The following CRYL1 variants were observed in gnomAD, a reference collection of about 807,000 sequenced individuals.
CRYL1 encodes lambda-crystallin homolog.
In CRYL1, 29 loss-of-function variants were observed where a neutral mutation model predicts 36.6. That is an observed-to-expected ratio of 0.79 (90% CI 0.59 to 1.08). The LOEUF is 1.08. Ranked by LOEUF, CRYL1 falls within the 50% of genes least tolerant of loss-of-function variation. The pLI is 0.00. For synonymous variants in CRYL1, 152 were observed against 151.5 expected (o/e 1.00, Z -0.02); for missense variants, 411 against 407.9 (o/e 1.01, Z -0.06).
At chr13:20,519,351 T>C (rs1462547813) in intron 1 of CRYL1, among the ~76,000 whole-genome samples, 2 of 152,096 alleles carry the variant, frequency 1.3e-5, no homozygotes, top group African/African-American at 2.4e-5. Flanking sequence ...GTGGGGACCA[T>C]GACAAGAGCA....
Position 20,439,513 on chromosome 13 carries a change from G to A in CRYL1, c.438+80C>T, listed in dbSNP as rs200588395. The A allele has an allele frequency of 3.7e-5, 27 of 723,734 alleles. No homozygotes were observed. In the African/African-American group the frequency reaches 4.6e-4, roughly 12 times the overall value. 44.8% of individuals were successfully genotyped at this position (723,734 alleles called of 1,614,324 possible). On this transcript the variant is annotated intron_variant, in intron 4 of 7. Transcript: ENST00000298248. ...CACAAGTTATTGACCCCCCTCCCCC[G>A]CAAAAAAAAAAAAAAAAGAAAAAAA... is the stretch of plus-strand genomic sequence containing the variant.
In CRYL1 at chr13:20,477,265, C is replaced by T. The variant is rs182714577; in HGVS notation, c.276+12105G>A. 1.3e-3 allele frequency among the ~76,000 whole-genome samples: 197 copies of T among 152,190 alleles called. 1 individual carries two copies. Among genetic ancestry groups the T allele is most frequent in the African/African-American group, 4.0e-3 (165 of 41,522 alleles). ...ATCGCTTGAGCCCAGGAGTTCAAGA[C>T]GTCAGTGAGCTATGATCACACAGCT... On this transcript the variant is annotated intron_variant, in intron 3 of 7. Transcript: ENST00000298248.
At chr13:20,473,108 G>C (rs1163969812) in intron 3 of CRYL1, 1 of 152,238 alleles carries the variant, frequency 6.6e-6, no homozygotes, top group South Asian at 2.1e-4. Flanking sequence ...GTTAAAGAAG[G>C]TGAGGTAAAA....
intron 2 of CRYL1, among the ~76,000 whole-genome samples, chr13:20,505,390 A>G (rs949158934): frequency 6.6e-6 from 1 of 151,266 alleles, no homozygotes; most frequent in Non-Finnish European, 1.5e-5. Flanking sequence ...AAATCAGAAT[A>G]TGGGAAGTGG....
At chr13:20,482,404 A>G (rs2033296013) in intron 3 of CRYL1, among the ~76,000 whole-genome samples, 1 of 150,364 alleles carries the variant, frequency 6.7e-6, no homozygotes, top group South Asian at 2.1e-4. Context: ...AGGCCTCGAC[A>G]TAGTGGCTAA....
At chr13:20,412,774 C>A (rs1467548859) in intron 6 of CRYL1, among the ~76,000 whole-genome samples, 1 of 152,146 alleles carries the variant, frequency 6.6e-6, no homozygotes. Flanking sequence ...GTCTGGTCTG[C>A]CCCACCCATA....
intron 3 of CRYL1, among the ~76,000 whole-genome samples, chr13:20,459,504 G>C (rs1216968708): frequency 6.6e-6 from 1 of 152,092 alleles, no homozygotes; most frequent in African/African-American, 2.4e-5. Context: ...ATACACCATG[G>C]AATACTATGC....
chr13:20,504,912 A>C (rs2033766052), intron 2 of CRYL1, among the ~76,000 whole-genome samples: 1 of 152,142 alleles, frequency 6.6e-6, no homozygotes, highest in Non-Finnish European at 1.5e-5. Context: ...CCCCCCGTTT[A>C]AGTTCATTTT....
At chr13:20,439,872 C>T (rs1352271779) in intron 3 of CRYL1, 118 bp from the exon 4 acceptor site, 4 of 971,692 alleles carry the variant, frequency 4.1e-6, no homozygotes, top group Middle Eastern at 3.2e-4. Context: ...AGGTTCAAGA[C>T]GTGTTATCCC....
At chr13:20,478,294 A>T (rs1047522101) in intron 3 of CRYL1, among the ~76,000 whole-genome samples, 1 of 152,136 alleles carries the variant, frequency 6.6e-6, no homozygotes, top group Non-Finnish European at 1.5e-5. Context: ...TTTCTATTAG[A>T]TATGTGCTTA....
At chr13:20,450,771 T>C (rs1028630393) in intron 3 of CRYL1, among the ~76,000 whole-genome samples, 2 of 152,168 alleles carry the variant, frequency 1.3e-5, no homozygotes, top group Non-Finnish European at 2.9e-5. Flanking sequence ...CACATGTTCA[T>C]TGTGGCACTA....
intron 1 of CRYL1, among the ~76,000 whole-genome samples, chr13:20,516,692 T>A (rs1038945157): frequency 6.6e-6 from 1 of 151,952 alleles, no homozygotes; most frequent in Non-Finnish European, 1.5e-5. Flanking sequence ...ATGTTAGCCA[T>A]GATGGTCTCG....
intron 3 of CRYL1, among the ~76,000 whole-genome samples, chr13:20,467,824 C>G (rs4636763): frequency 0.015 from 2,268 of 152,244 alleles, 52 homozygotes; most frequent in African/African-American, 0.051. Flanking sequence ...TCTGCAACGC[C>G]CGGTGCCTCA....
intron 5 of CRYL1, among the ~76,000 whole-genome samples, chr13:20,420,821 C>T (rs1200672590): frequency 8.0e-5 from 12 of 150,326 alleles, no homozygotes; most frequent in Non-Finnish European, 1.6e-4. Flanking sequence ...CTGCGACCTC[C>T]GCCTCCTGGG....
intron 3 of CRYL1, 90 bp downstream of exon 3, chr13:20,489,280 C>T (rs1316789662): frequency 2.0e-6 from 3 of 1,507,674 alleles, no homozygotes; most frequent in Non-Finnish European, 2.7e-6. Context: ...CCACACCTGC[C>T]ACTGCTCTGT....
chr13:20,496,223 T>C (rs2033602614), intron 2 of CRYL1, among the ~76,000 whole-genome samples: 1 of 152,052 alleles, frequency 6.6e-6, no homozygotes, highest in Non-Finnish European at 1.5e-5. Flanking sequence ...TGACAGAAAG[T>C]AGAATGGTGG....
chr13:20,507,784 G>A (rs2033826065), intron 2 of CRYL1, among the ~76,000 whole-genome samples: 3 of 152,038 alleles, frequency 2.0e-5, no homozygotes, highest in Non-Finnish European at 4.4e-5. Context: ...TGGGCGTGGT[G>A]GCGAGCACCT....
intron 1 of CRYL1, among the ~76,000 whole-genome samples, chr13:20,518,150 G>C (rs1005482367): frequency 2.0e-5 from 3 of 151,902 alleles, no homozygotes; most frequent in African/African-American, 7.3e-5. Flanking sequence ...AGGCAACGAT[G>C]ACTCACTGAG....
Position 20,525,273 on chromosome 13 carries a change from T to C in CRYL1, c.41+481A>G, listed in dbSNP as rs1261875318. On this transcript the variant is annotated intron_variant, in intron 1 of 7. Coordinates refer to ENST00000298248, the MANE Select transcript of CRYL1 (RefSeq NM_015974.3). This position sits in a 1 kb window ranked among gnomAD's most constrained non-coding sequence, Gnocchi z 4.3. Reference sequence around the variant, plus strand: ...TGCGCTGGCACCCTCCCTGCTGGGCTAGTCCTGTCTCCGTCACTAAACGCC... The same window carrying C: ...TGCGCTGGCACCCTCCCTGCTGGGCCAGTCCTGTCTCCGTCACTAAACGCC... Among the ~76,000 whole-genome samples, 2 of 152,196 alleles carry C rather than the reference T, an allele frequency of 1.3e-5. No individual in the cohort carries two copies. The highest frequency in any genetic ancestry group is 4.8e-5 in the African/African-American group (2 of 41,458).
Sources: allele counts gnomAD v4.1 joint callset (sites outside exome capture counted in the v4.1 genomes callset), GRCh38; gene constraint gnomAD v4.1.1; non-coding constraint Gnocchi (gnomAD v3.1); transcripts MANE v1.5; gene names NCBI Gene and HGNC (gene_info 2026-07-23, HGNC 2026-07-21).